MTCL1: variants seen among roughly 807,000 people sequenced by gnomAD.
MTCL1 encodes microtubule cross-linking factor 1.
A neutral mutation model predicts 141.4 loss-of-function variants in MTCL1; 79 were observed. The ratio of observed to expected loss-of-function variants is 0.56; its 90% confidence interval spans 0.47 to 0.67. MTCL1 has a LOEUF of 0.67. MTCL1 is among the 30% of genes least tolerant of loss of function. MTCL1 has a pLI of 0.00. For missense variants in MTCL1, 2,177 were observed against 2,113.9 expected (o/e 1.03, Z -0.59); for synonymous variants, 914 against 875.8 (o/e 1.04, Z -0.77).
exon 17 of MTCL1, chr18:8,831,739 G>A (rs1242500844): frequency 1.9e-6 from 3 of 1,550,494 alleles, no homozygotes; most frequent in Non-Finnish European, 1.7e-6. Flanking sequence ...GTCACCCGGA[G>A]ACCCGACGTC....
chr18:8,784,801 C>G, exon 6 of MTCL1: 1 of 1,608,186 alleles, frequency 6.2e-7, no homozygotes, highest in Non-Finnish European at 8.5e-7. Flanking sequence ...CCCGGGACTC[C>G]CCCATCGGGA....
At chr18:8,725,776 CTT>C (rs1220187127) in intron 4 of MTCL1, among the ~76,000 whole-genome samples, 5 of 111,016 alleles carry the variant, frequency 4.5e-5, no homozygotes, top group African/African-American at 1.5e-4. Context: ...GTGCCATTTT[CTT>C]TTTTTTTTTT....
upstream of MTCL1, among the ~76,000 whole-genome samples, chr18:8,715,865 T>A (rs1278025530): frequency 1.3e-5 from 2 of 152,204 alleles, no homozygotes; most frequent in African/African-American, 4.8e-5. Context: ...ACCTCCTGTT[T>A]GTGGAAGGTT....
intron 4 of MTCL1, among the ~76,000 whole-genome samples, chr18:8,740,918 C>G (rs150766926): frequency 1.5e-3 from 223 of 152,302 alleles, no homozygotes; most frequent in African/African-American, 5.2e-3. Context: ...CCTAGTTGCC[C>G]TTACATTTGT....
intron 12 of MTCL1, among the ~76,000 whole-genome samples, chr18:8,814,777 C>T (rs1271142488): frequency 6.6e-6 from 1 of 152,194 alleles, no homozygotes; most frequent in Non-Finnish European, 1.5e-5. Flanking sequence ...GGGTGCCCTT[C>T]GCCTGTTAGC....
chr18:8,764,477 C>T (rs200922206), intron 4 of MTCL1, among the ~76,000 whole-genome samples: 3 of 152,108 alleles, frequency 2.0e-5, no homozygotes, highest in East Asian at 3.9e-4. Context: ...ACCACACACC[C>T]GGATAATTTT....
At chr18:8,792,216 G>A (rs966224236) in intron 7 of MTCL1, among the ~76,000 whole-genome samples, 1 of 152,178 alleles carries the variant, frequency 6.6e-6, no homozygotes, top group African/African-American at 2.4e-5. Flanking sequence ...CTTACATTTC[G>A]ATGATGCCTG....
intron 4 of MTCL1, among the ~76,000 whole-genome samples, chr18:8,732,221 A>G (rs2148871874): frequency 6.6e-6 from 1 of 152,146 alleles, no homozygotes; most frequent in East Asian, 1.9e-4. Flanking sequence ...AGTAGCTGAG[A>G]CTACAGGCGT....
At chr18:8,776,673 C>G (rs1450964540) in intron 4 of MTCL1, among the ~76,000 whole-genome samples, 1 of 152,112 alleles carries the variant, frequency 6.6e-6, no homozygotes, top group African/African-American at 2.4e-5. Context: ...CAAGGGCCGC[C>G]CTTCTCTTCC....
chr18:8,800,107 C>T (rs973082480), intron 10 of MTCL1, among the ~76,000 whole-genome samples: 1 of 152,196 alleles, frequency 6.6e-6, no homozygotes. Context: ...GGAAGATGGA[C>T]GAGCTCTACT....
chr18:8,825,869 C>T lies in MTCL1; in HGVS notation c.4359C>T (p.Ser1453=), dbSNP rs73400414. 1,458 of 1,614,144 alleles carry T rather than the reference C, an allele frequency of 9.0e-4. 10 individuals carry two copies. In the African/African-American group the frequency reaches 0.016, roughly 18 times the overall value. The change falls in exon 15 of 17, where the codon AGC becomes AGT. Residue 1453 remains serine, a synonymous_variant. Transcript: ENST00000359865. ...GCCTCTTCAACATCATTGACCACAG[C>T]CCCGTGGTGCAGGACCCCTTCCAGA...
chr18:8,819,230 G>A lies in MTCL1; in HGVS notation c.3127G>A (p.Glu1043Lys), dbSNP rs145205841. 4.6e-4 allele frequency: 742 copies of A among 1,614,214 alleles called. No homozygotes were observed. The highest frequency in any genetic ancestry group is 4.9e-4 in the Non-Finnish European group (577 of 1,180,034). The change falls in exon 13 of 17, where the codon GAG becomes AAG. Residue 1043 changes from glutamate to lysine, a missense_variant. By Grantham distance (56) the Glu-to-Lys change is moderately conservative (BLOSUM62 1). Coordinates refer to ENST00000359865, the Ensembl canonical transcript of MTCL1. ...AGAAGAGCCACCAGCCCACAGGCCC[G>A]AGAGGGAGTTCAGGAACCGCCTCCC...
intron 4 of MTCL1, among the ~76,000 whole-genome samples, chr18:8,773,265 C>G (rs760466435): frequency 1.3e-5 from 2 of 152,158 alleles, no homozygotes; most frequent in Admixed American, 1.3e-4. Flanking sequence ...TGCCATGCTG[C>G]GGGTTTCTCA....
intron 4 of MTCL1, among the ~76,000 whole-genome samples, chr18:8,770,189 A>C (rs904118432): frequency 6.6e-6 from 1 of 152,182 alleles, no homozygotes; most frequent in African/African-American, 2.4e-5. Flanking sequence ...CCCATCTCCA[A>C]GTTTAGGGGA....
chr18:8,706,652 C>T (rs2096059406), exon 1 of MTCL1: 1 of 1,546,176 alleles, frequency 6.5e-7, no homozygotes, highest in Non-Finnish European at 8.7e-7. Context: ...GTGCCAGCGG[C>T]GGAGGAAGAA....
chr18:8,796,049 A>G (rs946045958), intron 8 of MTCL1, among the ~76,000 whole-genome samples, 183 bp from the exon 8 acceptor site: 3 of 152,198 alleles, frequency 2.0e-5, no homozygotes, highest in African/African-American at 7.2e-5. Context: ...CGCAATACTC[A>G]TGAGGTTTTG....
intron 5 of MTCL1, among the ~76,000 whole-genome samples, chr18:8,778,541 T>G (rs375199392): frequency 9.2e-5 from 14 of 152,164 alleles, no homozygotes; most frequent in East Asian, 3.8e-4. Context: ...TCGGGGTAAC[T>G]AAGAGCTCAG....
intron 4 of MTCL1, among the ~76,000 whole-genome samples, chr18:8,732,185 A>G (rs897286892): frequency 6.6e-6 from 1 of 152,092 alleles, no homozygotes; most frequent in African/African-American, 2.4e-5. Flanking sequence ...CTTGGGCTCA[A>G]GGGATCTTCC....
chr18:8,739,236 C>A (rs2096289145), intron 4 of MTCL1, among the ~76,000 whole-genome samples: 2 of 152,006 alleles, frequency 1.3e-5, no homozygotes, highest in Non-Finnish European at 2.9e-5. Context: ...CAGAGTGAGA[C>A]CCTGTCTCTA....
Sources: gnomAD v4.1 joint callset for allele counts (sites outside exome capture counted in the v4.1 genomes callset) on GRCh38, gnomAD v4.1.1 for gene constraint, MANE v1.5 for transcripts, NCBI Gene and HGNC (gene_info 2026-07-23, HGNC 2026-07-21) for gene names.